Variants in COG6 observed in about 807,000 individuals in gnomAD.
COG6 encodes conserved oligomeric Golgi complex subunit 6.
COG6 carries 74 observed loss-of-function variants against 88.8 expected under a neutral mutation model. The observed-to-expected ratio is 0.83, with a 90% confidence interval of 0.69 to 1.01. The LOEUF (loss-of-function observed/expected upper bound fraction) is 1.01, where lower values mean the gene tolerates loss of function less well. Among genes scored for constraint, COG6 ranks in the 50% least tolerant of loss-of-function variants. The probability of loss-of-function intolerance (pLI) is 0.00; values close to 1 mark genes in which losing one functional copy is unlikely to be tolerated. For synonymous variants in COG6, 286 were observed against 278.7 expected, an observed-to-expected ratio of 1.03 and a Z score of -0.26; for missense variants, 800 against 797.9, an observed-to-expected ratio of 1.00 and a Z score of -0.03.
At chr13:39,767,039 A>G (rs1881185526) in intron 18 of COG6, among the ~76,000 whole-genome samples, 1 of 152,134 alleles carries the variant, frequency 6.6e-6, no homozygotes, top group African/African-American at 2.4e-5. Context: ...GGGTATGATC[A>G]GTGTTTTGTG....
At position 39,779,948 on chromosome 13, in the gene COG6, G is replaced by A. The variant is rs534201996; in HGVS notation, c.1827-8387G>A. ...AACATTTATTAGGCACCTACTCTAG[G>A]CAAGTCACAGTATTTCTTAAATTGG... On this transcript the variant is annotated intron_variant, in intron 18 of 18. Coordinates refer to the COG6 transcript ENST00000416691. Among the ~76,000 whole-genome samples, 6 of 152,242 alleles carry A rather than the reference G, an allele frequency of 3.9e-5. No homozygotes were observed. In the East Asian group the frequency reaches 1.2e-3, roughly 29 times the overall value.
At position 39,674,592 on chromosome 13, in the gene COG6, T is replaced by C. The variant is rs536555457; in HGVS notation, c.429-2876T>C. On this transcript the variant is annotated intron_variant, in intron 4 of 18. Coordinates refer to ENST00000455146, the MANE Select transcript of COG6 (RefSeq NM_020751.3). ...GTTTATATACAGTAATTCCCAACCT[T>C]GTCTATGGTTTTGCTTTGTGTGGTT... Among the ~76,000 whole-genome samples the C allele has an allele frequency of 7.2e-5, 11 of 152,282 alleles. No individual in the cohort carries two copies. In the South Asian group the frequency reaches 8.3e-4, roughly 11 times the overall value.
At chr13:39,782,414 T>G (rs1247913459) in intron 18 of COG6, among the ~76,000 whole-genome samples, 1 of 152,232 alleles carries the variant, frequency 6.6e-6, no homozygotes, top group African/African-American at 2.4e-5. Flanking sequence ...CAAAAGAGTT[T>G]AATTTCTTCC....
intron 17 of COG6, among the ~76,000 whole-genome samples, chr13:39,725,738 C>A (rs1369883954): frequency 6.6e-6 from 1 of 151,234 alleles, no homozygotes; most frequent in African/African-American, 2.4e-5. Flanking sequence ...AAAGAAAATT[C>A]GATATTAAAA....
At chr13:39,655,651 A>T, upstream of COG6, 3 of 1,501,564 alleles carry the variant, frequency 2.0e-6, no homozygotes, top group Non-Finnish European at 2.7e-6. Context: ...GCCGATTTGC[A>T]CATGCGCAAT....
chr13:39,710,082 TGAG>T (rs1483752286), intron 13 of COG6, among the ~76,000 whole-genome samples: 6 of 152,168 alleles, frequency 3.9e-5, no homozygotes, highest in Non-Finnish European at 5.9e-5. Flanking sequence ...ATAGATCAGT[TGAG>T]GAGAAATTAA....
intron 18 of COG6, among the ~76,000 whole-genome samples, chr13:39,777,512 C>T (rs1881499946): frequency 6.6e-6 from 1 of 152,126 alleles, no homozygotes; most frequent in Admixed American, 6.5e-5. Context: ...GGAGAAGAAA[C>T]CGGCCAGGTT....
chr13:39,719,623 T>A, intron 14 of COG6, 37 bp from the exon 15 acceptor site: 1 of 1,577,358 alleles, frequency 6.3e-7, no homozygotes, highest in Non-Finnish European at 8.7e-7. Context: ...TATCAGTGAT[T>A]GAGAAATAAA....
chr13:39,716,771 C>A, intron 13 of COG6, among the ~76,000 whole-genome samples: 1 of 152,120 alleles, frequency 6.6e-6, no homozygotes, highest in East Asian at 1.9e-4. Context: ...CTACATAGCT[C>A]CATTCTCCTC....
chr13:39,747,217 A>G (rs1267834342), intron 18 of COG6, among the ~76,000 whole-genome samples: 1 of 152,210 alleles, frequency 6.6e-6, no homozygotes, highest in Admixed American at 6.5e-5. Flanking sequence ...AATACTTAAT[A>G]AAAGTGAGTG....
At chr13:39,783,926 A>G (rs1881701865) in intron 18 of COG6, among the ~76,000 whole-genome samples, 1 of 152,152 alleles carries the variant, frequency 6.6e-6, no homozygotes. Flanking sequence ...GGCAAGTGAG[A>G]TCATTTTTCA....
intron 18 of COG6, among the ~76,000 whole-genome samples, chr13:39,733,626 T>TG (rs1416815449): frequency 3.3e-5 from 5 of 152,122 alleles, no homozygotes; most frequent in African/African-American, 1.2e-4. Flanking sequence ...TCTTTGGTTT[T>TG]GGTATCAGGG....
intron 2 of COG6, 124 bp from the exon 3 acceptor site, chr13:39,660,686 T>C (rs1874840406): frequency 4.5e-6 from 3 of 667,790 alleles, no homozygotes; most frequent in Non-Finnish European, 8.0e-6. Flanking sequence ...AAATATGGGA[T>C]CTCTTGTCAT....
At chr13:39,699,650 G>T (rs1877467030) in intron 13 of COG6, 32 bp downstream of exon 13, 1 of 964,620 alleles carries the variant, frequency 1.0e-6, no homozygotes, top group Non-Finnish European at 1.7e-6. Context: ...ATTAAATTAT[G>T]TGAATGTTTC....
chr13:39,743,493 A>G (rs1032878260), intron 18 of COG6, among the ~76,000 whole-genome samples: 7 of 152,238 alleles, frequency 4.6e-5, no homozygotes, highest in Non-Finnish European at 8.8e-5. Context: ...CAAATAATCT[A>G]GAAAACCTAG....
At chr13:39,780,561 C>T (rs984082697) in intron 18 of COG6, among the ~76,000 whole-genome samples, 1 of 152,158 alleles carries the variant, frequency 6.6e-6, no homozygotes, top group Non-Finnish European at 1.5e-5. Flanking sequence ...GGGTTCTCAA[C>T]GTATTACACT....
chr13:39,770,258 A>C (rs1281749235), intron 18 of COG6, among the ~76,000 whole-genome samples: 3 of 152,200 alleles, frequency 2.0e-5, no homozygotes, highest in African/African-American at 7.2e-5. Context: ...GCACTCCAGA[A>C]GACAACACAT....
chr13:39,750,709 C>T (rs1880575510), intron 18 of COG6, among the ~76,000 whole-genome samples: 1 of 152,044 alleles, frequency 6.6e-6, no homozygotes, highest in Non-Finnish European at 1.5e-5. Flanking sequence ...AAAACACAGT[C>T]CATGCCCTCT....
chr13:39,681,492 A>G (rs187848756), intron 7 of COG6, among the ~76,000 whole-genome samples: 171 of 152,150 alleles, frequency 1.1e-3, no homozygotes, highest in African/African-American at 4.0e-3. Flanking sequence ...TGTGGAGACT[A>G]TGAAGTCATT....
Sources: gnomAD v4.1 joint callset for allele counts (sites outside exome capture counted in the v4.1 genomes callset) on GRCh38, gnomAD v4.1.1 for gene constraint, MANE v1.5 for transcripts, NCBI Gene and HGNC (gene_info 2026-07-23, HGNC 2026-07-21) for gene names.